Variants in MCUB observed in about 807,000 individuals in gnomAD.
The protein encoded by MCUB is calcium uniporter regulatory subunit MCUb, mitochondrial.
In MCUB, 46 loss-of-function variants were observed where a neutral mutation model predicts 41.4. The observed-to-expected ratio is 1.11, with a 90% CI of 0.88 to 1.42. MCUB has a LOEUF of 1.42. Ranked by LOEUF, MCUB falls within the 40% of genes most tolerant of loss-of-function variation. The probability of loss-of-function intolerance (pLI) is 0.00; values close to 1 mark genes in which losing one functional copy is unlikely to be tolerated. For synonymous variants in MCUB, 148 were observed against 148.2 expected (o/e 1.00, Z 0.01); for missense variants, 403 against 404.9 (o/e 1.00, Z 0.04).
intron 1 of MCUB, among the ~76,000 whole-genome samples, chr4:109,612,148 A>C (rs1728021448): frequency 1.3e-5 from 2 of 152,102 alleles, no homozygotes; most frequent in South Asian, 4.2e-4. Flanking sequence ...AAGGTGCAGG[A>C]AGATTGTTTT....
chr4:109,673,734 AG>A (rs1729510067), intron 4 of MCUB: 1 of 514,130 alleles, frequency 1.9e-6, no homozygotes, highest in African/African-American at 1.9e-5. Flanking sequence ...TAAGTTCACA[AG>A]GAAGACACAT....
intron 1 of MCUB, among the ~76,000 whole-genome samples, chr4:109,656,522 A>G (rs1414867014): frequency 6.6e-6 from 1 of 151,734 alleles, no homozygotes; most frequent in East Asian, 1.9e-4. Flanking sequence ...GACTACAGGC[A>G]TGTGCCACCA....
At chr4:109,598,000 G>A (rs1244940222) in intron 1 of MCUB, among the ~76,000 whole-genome samples, 4 of 150,372 alleles carry the variant, frequency 2.7e-5, no homozygotes, top group East Asian at 4.0e-4. Context: ...GACGATGGGC[G>A]GCCGGGCAGA....
At chr4:109,565,895 A>G (rs1049496017) in intron 1 of MCUB, among the ~76,000 whole-genome samples, 12 of 150,152 alleles carry the variant, frequency 8.0e-5, no homozygotes, top group African/African-American at 2.5e-4. Context: ...CTGAAGTGCA[A>G]TGCTGTAACA....
At chr4:109,577,130 G>A (rs1161284362) in intron 1 of MCUB, among the ~76,000 whole-genome samples, 1 of 152,206 alleles carries the variant, frequency 6.6e-6, no homozygotes, top group East Asian at 1.9e-4. Context: ...GGGATTACAG[G>A]CGTGAGCCAC....
At chr4:109,574,268 C>T (rs1201799696) in intron 1 of MCUB, among the ~76,000 whole-genome samples, 3 of 152,082 alleles carry the variant, frequency 2.0e-5, no homozygotes, top group African/African-American at 2.4e-5. Context: ...GTGTTGCTTC[C>T]AAGCAAGGAA....
At chr4:109,668,912 TA>T (rs991226518) in intron 4 of MCUB, among the ~76,000 whole-genome samples, 2 of 152,068 alleles carry the variant, frequency 1.3e-5, no homozygotes, top group African/African-American at 4.8e-5. Context: ...GCAAATACCT[TA>T]TAATAACAAA....
chr4:109,568,329 A>G (rs1279627941), intron 1 of MCUB, among the ~76,000 whole-genome samples: 1 of 152,174 alleles, frequency 6.6e-6, no homozygotes, highest in Non-Finnish European at 1.5e-5. Flanking sequence ...CAGGTAAGCA[A>G]GCCTTAAAAC....
intron 1 of MCUB, among the ~76,000 whole-genome samples, chr4:109,631,683 C>G (rs1579074110): frequency 1.3e-5 from 2 of 152,190 alleles, no homozygotes; most frequent in Admixed American, 1.3e-4. Context: ...AACATTTCTC[C>G]TTTACCAGCT....
intron 1 of MCUB, among the ~76,000 whole-genome samples, chr4:109,631,551 G>T (rs911687014): frequency 6.6e-6 from 1 of 152,166 alleles, no homozygotes; most frequent in Non-Finnish European, 1.5e-5. Flanking sequence ...TTTAAAAAGT[G>T]CAGTGCAAAG....
At chr4:109,568,977 T>C (rs1463483115) in intron 1 of MCUB, among the ~76,000 whole-genome samples, 1 of 152,258 alleles carries the variant, frequency 6.6e-6, no homozygotes, top group Non-Finnish European at 1.5e-5. Flanking sequence ...TGTTGAATAA[T>C]TGAAGATTTT....
intron 2 of MCUB, 84 bp from the exon 3 acceptor site, chr4:109,660,111 T>G: frequency 1.4e-6 from 1 of 700,972 alleles, no homozygotes; most frequent in Non-Finnish European, 2.4e-6. Flanking sequence ...ATTTCATGTT[T>G]GAGCATTCCT....
At chr4:109,630,590 T>C (rs921241227) in intron 1 of MCUB, among the ~76,000 whole-genome samples, 1 of 152,262 alleles carries the variant, frequency 6.6e-6, no homozygotes, top group Non-Finnish European at 1.5e-5. Flanking sequence ...TGTTTGTTTT[T>C]GTTTTTTGAG....
At chr4:109,563,652 A>T (rs1726694174) in intron 1 of MCUB, among the ~76,000 whole-genome samples, 1 of 152,236 alleles carries the variant, frequency 6.6e-6, no homozygotes, top group Admixed American at 6.5e-5. Flanking sequence ...GCACTTAAGT[A>T]TTAGTGTGTT....
At chr4:109,613,112 G>GA (rs1425204798) in intron 1 of MCUB, among the ~76,000 whole-genome samples, 2 of 150,080 alleles carry the variant, frequency 1.3e-5, no homozygotes, top group East Asian at 2.0e-4. Flanking sequence ...TCTCAAAAAA[G>GA]AAAAAAAAGA....
At position 109,680,668 on chromosome 4, in the gene MCUB, G is replaced by A. The variant is rs151048377; in HGVS notation, c.452-1914G>A. Among the ~76,000 whole-genome samples, 781 of 152,254 alleles carry A rather than the reference G, an allele frequency of 5.1e-3. 3 individuals carry two copies. The highest frequency in any genetic ancestry group is 0.018 in the African/African-American group (741 of 41,520). Reference sequence around the variant, plus strand: ...GCAGCTATAGCCTAGACTATGGAAGGGGGTAAAGACCACAGCAGTCTTGAA... The same window carrying A: ...GCAGCTATAGCCTAGACTATGGAAGAGGGTAAAGACCACAGCAGTCTTGAA... On this transcript the variant is annotated intron_variant, in intron 4 of 7. Coordinates refer to ENST00000394650, the MANE Select transcript of MCUB (RefSeq NM_017918.5).
chr4:109,579,422 G>C (rs1727117562), intron 1 of MCUB, among the ~76,000 whole-genome samples: 1 of 152,048 alleles, frequency 6.6e-6, no homozygotes, highest in East Asian at 1.9e-4. Context: ...GCTAATTTTT[G>C]TATTTTTAGT....
At chr4:109,584,967 C>T (rs1211409890) in intron 1 of MCUB, among the ~76,000 whole-genome samples, 1 of 152,144 alleles carries the variant, frequency 6.6e-6, no homozygotes, top group Non-Finnish European at 1.5e-5. Flanking sequence ...TCTATTAGGT[C>T]TGCTTGGTCC....
At chr4:109,618,987 T>TAC (rs1263671032) in intron 1 of MCUB, among the ~76,000 whole-genome samples, 1 of 144,888 alleles carries the variant, frequency 6.9e-6, no homozygotes, top group Non-Finnish European at 1.5e-5. Context: ...TCTCTCTCTC[T>TAC]CTACCTACCA....
Sources: gnomAD v4.1 joint callset for allele counts (sites outside exome capture counted in the v4.1 genomes callset) on GRCh38, gnomAD v4.1.1 for gene constraint, MANE v1.5 for transcripts, NCBI Gene and HGNC (gene_info 2026-07-23, HGNC 2026-07-21) for gene names.